DLGAP3: variants seen among roughly 807,000 people sequenced by gnomAD.
DLGAP3 encodes the protein disks large-associated protein 3.
DLGAP3 carries 17 observed loss-of-function variants against 81.2 expected under a neutral mutation model. That is an observed-to-expected ratio of 0.21 (90% confidence interval 0.14 to 0.31). The LOEUF (loss-of-function observed/expected upper bound fraction) is 0.31, where lower values mean the gene tolerates loss of function less well. Ranked by LOEUF, DLGAP3 falls within the 10% of genes least tolerant of loss-of-function variation. The pLI, the probability that DLGAP3 is intolerant of heterozygous loss-of-function variation, is 1.00. For synonymous variants in DLGAP3, 577 were observed against 587.4 expected, an observed-to-expected ratio of 0.98 and a Z score of 0.26; for missense variants, 1,124 against 1,388.0, an observed-to-expected ratio of 0.81 and a Z score of 3.02.
chr1:34,874,156 TGGAA>T (rs1639017556), intron 8 of DLGAP3, among the ~76,000 whole-genome samples: 1 of 152,198 alleles, frequency 6.6e-6, no homozygotes, highest in Non-Finnish European at 1.5e-5. Context: ...GCAGCCATTC[TGGAA>T]CATGAGACCA....
rs777777768 is a variant in DLGAP3 at position 34,866,215 on chromosome 1, C to T, written c.2808G>A (p.Val936=). Reference sequence around the variant, plus strand: ...TGCGCGCTTCCTGCCGCTGCCGGTCCACGGAGTCCAGGGAGCGCTCCTTCA... The same window carrying T: ...TGCGCGCTTCCTGCCGCTGCCGGTCTACGGAGTCCAGGGAGCGCTCCTTCA... ...VPVKERSLDS[V]DRQRQEARKR... Residue 936 remains valine, a synonymous_variant, in exon 12 of 12, where the codon GTG becomes GTA. Transcript: ENST00000373347. 1 of 1,592,644 alleles carries T rather than the reference C, an allele frequency of 6.3e-7. No homozygotes were observed. The highest frequency in any genetic ancestry group is 8.5e-7 in the Non-Finnish European group (1 of 1,174,386).
rs1376356444 is a variant in DLGAP3 at position 34,905,430 on chromosome 1, ACCTCCTGG to A, written c.-51-4_-48del. 6.6e-7 allele frequency: 1 copy of A among 1,512,710 alleles called. No homozygotes were observed. Among genetic ancestry groups the A allele is most frequent in the Admixed American group, 2.3e-5 (1 of 44,034 alleles). The allele number at this position is 1,512,710 out of a possible 1,614,324, so 93.7% of individuals were successfully genotyped here. A position where few individuals can be genotyped will look rare whatever the true frequency, so the allele number is the denominator to read the frequency against. On this transcript the variant is annotated splice_acceptor_variant and splice_polypyrimidine_tract_variant and 5_prime_UTR_variant and intron_variant, in exon 3 of 12. Coordinates refer to ENST00000373347, the MANE Select transcript of DLGAP3 (RefSeq NM_001080418.3). LOFTEE classifies it low-confidence loss of function (5UTR_SPLICE). ...TAGTCTTGGGGGCCAGGCCCCAGGAACCTCCTGGAAAAATAGGGAGAAAAGGTATTTGA... is the reference window on the plus strand; with the variant it reads ...TAGTCTTGGGGGCCAGGCCCCAGGAAAAAAATAGGGAGAAAAGGTATTTGA...
rs190011034 is a variant in DLGAP3, at chr1:34,902,577, A to G, written c.1107+1700T>C. On this transcript the variant is annotated intron_variant, in intron 3 of 11. Coordinates refer to ENST00000373347, the MANE Select transcript of DLGAP3 (RefSeq NM_001080418.3). This position sits in a 1 kb window ranked among gnomAD's most constrained non-coding sequence, Gnocchi z 4.4. Reference sequence around the variant, plus strand: ...GTGCGAGGCTGTCTGGAGGGTCCCTATAGCCCTTTGGTTCTTCCCCACATG... The same window carrying G: ...GTGCGAGGCTGTCTGGAGGGTCCCTGTAGCCCTTTGGTTCTTCCCCACATG... Among the ~76,000 whole-genome samples, 52 of 152,144 alleles carry G rather than the reference A, an allele frequency of 3.4e-4. No individual in the cohort carries two copies. In the East Asian group the frequency reaches 6.4e-3, roughly 19 times the overall value.
rs554140514 is a variant in DLGAP3, at chr1:34,918,701, G to A, written c.-135+10750C>T. Among the ~76,000 whole-genome samples, 189 of 152,338 alleles carry A rather than the reference G, an allele frequency of 1.2e-3. 1 individual carries two copies. Among genetic ancestry groups the A allele is most frequent in the Non-Finnish European group, 1.8e-3 (124 of 68,022 alleles). On this transcript the variant is annotated intron_variant, in intron 1 of 11. Coordinates refer to ENST00000373347, the MANE Select transcript of DLGAP3 (RefSeq NM_001080418.3). Reference sequence around the variant, plus strand: ...CCCAGGCACCATCCCCGACTTGAGGGGTAAGGAGAGAGGGAGACGCCTGAG... The same window carrying A: ...CCCAGGCACCATCCCCGACTTGAGGAGTAAGGAGAGAGGGAGACGCCTGAG...
intron 5 of DLGAP3, among the ~76,000 whole-genome samples, chr1:34,891,487 A>C (rs1166788720): frequency 6.6e-6 from 1 of 152,220 alleles, no homozygotes; most frequent in Non-Finnish European, 1.5e-5. Context: ...GGAGTTTGAT[A>C]AGCTCTCCAC....
chr1:34,893,901 T>C (rs1639349234), intron 5 of DLGAP3, among the ~76,000 whole-genome samples: 1 of 152,162 alleles, frequency 6.6e-6, no homozygotes, highest in Admixed American at 6.5e-5. Flanking sequence ...CATTAAGATG[T>C]GAAGGTCTGG....
intron 8 of DLGAP3, among the ~76,000 whole-genome samples, chr1:34,869,878 C>T (rs1482401761): frequency 6.6e-6 from 1 of 152,140 alleles, no homozygotes; most frequent in African/African-American, 2.4e-5. Context: ...CTAAGTAAAC[C>T]CAGCTTCAAA....
chr1:34,904,240 C>A lies in DLGAP3; in HGVS notation c.1107+37G>T. 3 of 1,599,320 alleles carry A rather than the reference C, an allele frequency of 1.9e-6. No individual in the cohort carries two copies. The highest frequency in any genetic ancestry group is 1.1e-5 in the South Asian group (1 of 91,016). The stretch of plus-strand genomic sequence containing the variant: ...CCCTAGTTGACAAGACTGGTGAAGG[C>A]TAAGGACTCTGTTCCCCAACCCCAA... On this transcript the variant is annotated intron_variant, in intron 3 of 11. Coordinates refer to ENST00000373347, the MANE Select transcript of DLGAP3 (RefSeq NM_001080418.3). This position sits in a 1 kb window ranked among gnomAD's most constrained non-coding sequence, Gnocchi z 8.1.
intron 8 of DLGAP3, among the ~76,000 whole-genome samples, chr1:34,869,767 C>G (rs547842835): frequency 1.3e-5 from 2 of 152,182 alleles, no homozygotes; most frequent in Non-Finnish European, 2.9e-5. Context: ...TGAGCCACCA[C>G]GCCTGGCCGA....
At chr1:34,882,622 G>GA (rs1389764736) in intron 8 of DLGAP3, among the ~76,000 whole-genome samples, 1 of 152,134 alleles carries the variant, frequency 6.6e-6, no homozygotes, top group African/African-American at 2.4e-5. Flanking sequence ...CTTTCTTCTG[G>GA]ATCATGAAAA....
intron 1 of DLGAP3, among the ~76,000 whole-genome samples, chr1:34,921,594 G>T (rs759619497): frequency 6.6e-6 from 1 of 152,200 alleles, no homozygotes; most frequent in East Asian, 1.9e-4. Flanking sequence ...TGAGGTCAAG[G>T]ACCATCCCTA....
Position 34,905,311 on chromosome 1 carries a change from C to T in DLGAP3, c.73G>A (p.Val25Met). The change falls in exon 3 of 12, where the codon GTG becomes ATG. Residue 25 changes from valine (V) to methionine (M), a missense_variant. Val to Met is a conservative substitution (Grantham distance 21). Around this residue, in one of 9 missense-constraint regions of DLGAP3, gnomAD observed 167 missense variants for 172.1 expected, o/e 0.97. Transcript: ENST00000373347. ...ARFADQQHMD[V>M]GPAARAPYLL... ...TATGGGGCCCTGGCAGCAGGGCCCA[C>T]GTCCATATGCTGTTGGTCAGCAAAG... 3 of 1,563,684 alleles carry T rather than the reference C, an allele frequency of 1.9e-6. No homozygotes were observed. Among genetic ancestry groups the T allele is most frequent in the Non-Finnish European group, 2.6e-6 (3 of 1,153,952 alleles).
rs58075518 is a variant in DLGAP3 at position 34,899,087 on chromosome 1, CT to C, written c.1386+581del. The stretch of plus-strand genomic sequence containing the variant: ...GCCCTGTCTGTACAAATCAATTCTA[CT>C]TTTTTTTTTTTTTTTTTTTAAGACA... On this transcript the variant is annotated intron_variant, in intron 5 of 11. Transcript: ENST00000373347. Among the ~76,000 whole-genome samples the C allele has an allele frequency of 3.7e-3, 519 of 142,102 alleles. 1 individual carries two copies. The highest frequency in any genetic ancestry group is 7.7e-3 in the African/African-American group (290 of 37,646). 93.2% of individuals were successfully genotyped at this position (142,102 alleles called of 152,430 possible).
intron 1 of DLGAP3, among the ~76,000 whole-genome samples, chr1:34,918,369 G>T (rs1227996006): frequency 6.6e-6 from 1 of 152,198 alleles, no homozygotes; most frequent in Non-Finnish European, 1.5e-5. Context: ...GCAGACAAGG[G>T]GGTCTGCTCA....
chr1:34,868,594 C>T lies in DLGAP3; in HGVS notation c.2485+11G>A. Reference sequence around the variant, plus strand: ...TCCCCAGAGTCCCCTTGTTCCGATGCCGTGACTCACTCTCCTCGGGTAGCT... The same window carrying T: ...TCCCCAGAGTCCCCTTGTTCCGATGTCGTGACTCACTCTCCTCGGGTAGCT... On this transcript the variant is annotated intron_variant, in intron 9 of 11. Transcript: ENST00000373347. This position sits in a 1 kb window ranked among gnomAD's most constrained non-coding sequence, Gnocchi z 7.5. 1 of 1,607,916 alleles carries T rather than the reference C, an allele frequency of 6.2e-7. No homozygotes were observed. Among genetic ancestry groups the T allele is most frequent in the South Asian group, 1.1e-5 (1 of 91,004 alleles).
intron 3 of DLGAP3, among the ~76,000 whole-genome samples, chr1:34,901,213 T>A (rs991237334): frequency 1.3e-5 from 2 of 151,778 alleles, no homozygotes; most frequent in African/African-American, 4.8e-5. Context: ...TAGCAGTGAA[T>A]GAGACAGCCC....
chr1:34,877,525 A>G (rs1260260834), intron 8 of DLGAP3, among the ~76,000 whole-genome samples: 1 of 152,274 alleles, frequency 6.6e-6, no homozygotes, highest in African/African-American at 2.4e-5. Context: ...GAACACACAA[A>G]TTACGGAAAC....
intron 1 of DLGAP3, among the ~76,000 whole-genome samples, chr1:34,909,735 C>T (rs1178943518): frequency 6.6e-6 from 1 of 152,156 alleles, no homozygotes; most frequent in Non-Finnish European, 1.5e-5. Flanking sequence ...CCCACCTTCA[C>T]TCCATTACTA....
rs910525854 is a variant in DLGAP3, at chr1:34,929,421, GC to G, written c.-135+29del. The G allele has an allele frequency of 3.4e-5, 5 of 148,182 alleles. No homozygotes were observed. The highest frequency in any genetic ancestry group is 4.9e-5 in the African/African-American group (2 of 41,056). 9.2% of individuals were successfully genotyped at this position (148,182 alleles called of 1,614,324 possible). The stretch of plus-strand genomic sequence containing the variant: ...CGCTGCAGAGGGAGCCGCGAGCGCG[GC>G]CCCGTCCCCACTCCTCCCCGCGGCT... On this transcript the variant is annotated intron_variant, in intron 1 of 11. Coordinates refer to ENST00000373347, the MANE Select transcript of DLGAP3 (RefSeq NM_001080418.3). This position sits in a 1 kb window ranked among gnomAD's most constrained non-coding sequence, Gnocchi z 6.5.
Sources: allele counts gnomAD v4.1 joint callset (sites outside exome capture counted in the v4.1 genomes callset), GRCh38; gene constraint gnomAD v4.1.1; regional missense constraint gnomAD v4.1.1; non-coding constraint Gnocchi (gnomAD v3.1); transcripts MANE v1.5; gene names NCBI Gene and HGNC (gene_info 2026-07-23, HGNC 2026-07-21).